SLC44A2: variants seen among roughly 807,000 people sequenced by gnomAD.
SLC44A2 encodes the protein solute carrier family 44 member 2 (CTL2 blood group).
SLC44A2 carries 57 observed loss-of-function variants against 90.8 expected under a neutral mutation model. The ratio of observed to expected loss-of-function variants is 0.63; its 90% confidence interval spans 0.51 to 0.78. SLC44A2 has a LOEUF of 0.78. SLC44A2 is among the 30% of genes least tolerant of loss of function. The pLI is 0.00. For synonymous variants in SLC44A2, 355 were observed against 360.7 expected (o/e 0.98, Z 0.18); for missense variants, 794 against 919.7 (o/e 0.86, Z 1.77).
intron 20 of SLC44A2, chr19:10,641,080 C>G (rs1016464382): frequency 5.1e-6 from 2 of 393,148 alleles, no homozygotes; most frequent in African/African-American, 6.4e-5. Flanking sequence ...GAGCAAGATT[C>G]CGTCTCAGGA....
At chr19:10,635,683 C>G in intron 14 of SLC44A2, 168 bp downstream of exon 14, 1 of 585,480 alleles carries the variant, frequency 1.7e-6, no homozygotes, top group South Asian at 2.2e-5. Flanking sequence ...CTAACTGGAT[C>G]GAACAACTTC....
At position 10,631,669 on chromosome 19, in the gene SLC44A2, C is replaced by T. The variant is rs753256664; in HGVS notation, c.546C>T (p.Val182=). Residue 182 remains valine (V), a synonymous_variant, in exon 8 of 22, where the codon GTC becomes GTT. Coordinates refer to ENST00000335757, the MANE Select transcript of SLC44A2 (RefSeq NM_020428.4). ...CCGCTATCCACGCCTACAAGGGTGT[C>T]CTGATGGTGGGCAATGAGACGACCT... ...CFPAIHAYKG[V]LMVGNETTYE... is the part of the protein sequence containing the mutation. The T allele has an allele frequency of 9.9e-6, 16 of 1,613,398 alleles. No homozygotes were observed. In the East Asian group the frequency reaches 3.6e-4, roughly 36 times the overall value.
At chr19:10,606,870 T>C (rs1918119109) in intron 1 of SLC44A2, among the ~76,000 whole-genome samples, 1 of 71,958 alleles carries the variant, frequency 1.4e-5, no homozygotes, top group Non-Finnish European at 4.0e-5. Flanking sequence ...CATATATATG[T>C]ATGTATGTAT....
In SLC44A2 at chr19:10,634,866, C is replaced by T. The variant is rs766811790; in HGVS notation, c.934C>T (p.Arg312Trp). ...GGATTTCCGGGTGTACCTGCACTTACGGCAGACCTGGTTGGCCTTTAGTGA... is the reference window on the plus strand; with the variant it reads ...GGATTTCCGGGTGTACCTGCACTTATGGCAGACCTGGTTGGCCTTTAGTGA... ...QTDFRVYLHL[R>W]QTWLAFMIIL... is the part of the protein sequence containing the mutation. Residue 312 changes from arginine to tryptophan, a missense_variant, in exon 11 of 22, where the codon CGG (arginine) becomes TGG (tryptophan). Arg to Trp is a moderately radical substitution (Grantham distance 101, BLOSUM62 -3). Coordinates refer to ENST00000335757, the MANE Select transcript of SLC44A2 (RefSeq NM_020428.4). The T allele has an allele frequency of 1.2e-5, 19 of 1,614,080 alleles. No individual in the cohort carries two copies. The highest frequency in any genetic ancestry group is 6.7e-5 in the African/African-American group (5 of 74,928).
chr19:10,632,621 TG>T (rs1462536569), intron 10 of SLC44A2, among the ~76,000 whole-genome samples: 1 of 151,884 alleles, frequency 6.6e-6, no homozygotes, highest in Non-Finnish European at 1.5e-5. Flanking sequence ...GTTCAAATCC[TG>T]GCTTTGCCAA....
intron 1 of SLC44A2, among the ~76,000 whole-genome samples, chr19:10,604,678 G>T (rs538652169): frequency 6.6e-6 from 1 of 152,124 alleles, no homozygotes; most frequent in Non-Finnish European, 1.5e-5. Context: ...GAAGCTCTGT[G>T]TCTTTGTCTA....
chr19:10,635,337 A>G, intron 13 of SLC44A2, 82 bp downstream of exon 13: 1 of 1,604,886 alleles, frequency 6.2e-7, no homozygotes, highest in Non-Finnish European at 8.5e-7. Flanking sequence ...CAGCTTAGGG[A>G]TAGGGCTGGA....
At chr19:10,610,631 C>CTTTTTTTTTTTTT (rs56002726) in intron 1 of SLC44A2, among the ~76,000 whole-genome samples, 13 of 48,016 alleles carry the variant, frequency 2.7e-4, no homozygotes, top group African/African-American at 1.2e-3. Context: ...CCGCGCCTGG[C>CTTTTTTTTTTTTT]TTTTTTTTTT....
chr19:10,623,935 C>T (rs1283421549), upstream of SLC44A2, among the ~76,000 whole-genome samples: 2 of 151,828 alleles, frequency 1.3e-5, no homozygotes, highest in Non-Finnish European at 2.9e-5. Context: ...GTGATCTGCC[C>T]GCCTCGGCCT....
chr19:10,640,881 T>C (rs992934263), intron 20 of SLC44A2, among the ~76,000 whole-genome samples: 1 of 151,842 alleles, frequency 6.6e-6, no homozygotes, highest in African/African-American at 2.4e-5. Context: ...CGTCAGGAGA[T>C]TGAGACCATC....
intron 4 of SLC44A2, among the ~76,000 whole-genome samples, chr19:10,629,370 C>T (rs1039944064): frequency 5.3e-5 from 8 of 150,896 alleles, no homozygotes; most frequent in East Asian, 2.0e-4. Flanking sequence ...CTCCGTCTCC[C>T]GGGTTCAAGC....
At chr19:10,625,452 G>A (rs2066922074), upstream of SLC44A2, 2 of 1,214,564 alleles carry the variant, frequency 1.6e-6, no homozygotes, top group Admixed American at 4.3e-5. Context: ...GCCCTCCCGG[G>A]TCCCTTAGTC....
At chr19:10,610,331 CTTTT>C (rs1158338646) in intron 1 of SLC44A2, among the ~76,000 whole-genome samples, 2 of 134,456 alleles carry the variant, frequency 1.5e-5, no homozygotes, top group Admixed American at 7.6e-5. Flanking sequence ...TTTTCTTTTC[CTTTT>C]TTTTTTTTTT....
intron 1 of SLC44A2, among the ~76,000 whole-genome samples, chr19:10,605,366 T>C (rs1918072476): frequency 6.6e-6 from 1 of 151,620 alleles, no homozygotes; most frequent in South Asian, 2.1e-4. Context: ...AATACAAAAT[T>C]AGCCAGGCAT....
intron 20 of SLC44A2, among the ~76,000 whole-genome samples, chr19:10,640,530 G>GTTC (rs2067104438): frequency 6.6e-6 from 1 of 152,072 alleles, no homozygotes; most frequent in Non-Finnish European, 1.5e-5. Context: ...GGACTCAAGG[G>GTTC]ATCCTCCTGC....
chr19:10,618,902 C>T (rs1356400643), intron 1 of SLC44A2, among the ~76,000 whole-genome samples: 1 of 150,006 alleles, frequency 6.7e-6, no homozygotes, highest in Non-Finnish European at 1.5e-5. Context: ...TTCAGGGCTA[C>T]TGAATAAAGA....
intron 21 of SLC44A2, chr19:10,642,979 G>T (rs1021326028): frequency 6.3e-7 from 1 of 1,583,682 alleles, no homozygotes; most frequent in African/African-American, 1.3e-5. Flanking sequence ...TGTTGAAGGG[G>T]AGTGCGGAGG....
chr19:10,642,438 G>A lies in SLC44A2; in HGVS notation c.2001G>A (p.Leu667=). The part of the protein sequence containing the change: ...FSVYGMCVDT[L]FLCFLEDLER... ...TCTATGGCATGTGTGTGGACACGCT[G>A]TTCCTCTGCTTCTGTGAGTGACCCC... is the stretch of plus-strand genomic sequence containing the variant. Residue 667 remains leucine (L), a synonymous_variant, in exon 21 of 22, where the codon CTG becomes CTA. Transcript: ENST00000335757. 2 of 1,614,148 alleles carry A rather than the reference G, an allele frequency of 1.2e-6. No individual in the cohort carries two copies. Among genetic ancestry groups the A allele is most frequent in the African/African-American group, 1.3e-5 (1 of 75,044 alleles).
chr19:10,627,595 C>A, intron 2 of SLC44A2, 127 bp from the exon 3 acceptor site: 1 of 831,030 alleles, frequency 1.2e-6, no homozygotes, highest in Admixed American at 2.1e-5. Context: ...CCCTTTGGTA[C>A]GGCATTCAAA....
Sources: allele counts gnomAD v4.1 joint callset (sites outside exome capture counted in the v4.1 genomes callset), GRCh38; gene constraint gnomAD v4.1.1; transcripts MANE v1.5; gene names NCBI Gene and HGNC (gene_info 2026-07-23, HGNC 2026-07-21).